Variants in PDE8B observed in about 807,000 individuals in gnomAD.
The protein encoded by PDE8B is high affinity cAMP-specific and IBMX-insensitive 3',5'-cyclic phosphodiesterase 8B.
PDE8B carries 26 observed loss-of-function variants against 101.3 expected under a neutral mutation model. The ratio of observed to expected loss-of-function variants is 0.26; its 90% CI spans 0.19 to 0.36. PDE8B has a LOEUF of 0.36. Among genes scored for constraint, PDE8B ranks in the 10% least tolerant of loss-of-function variants. PDE8B has a pLI of 1.00. For missense variants in PDE8B, 810 were observed against 1,163.1 expected (o/e 0.70, Z 4.42); for synonymous variants, 424 against 429.3 (o/e 0.99, Z 0.15).
chr5:77,238,906 A>G (rs1755209548), intron 1 of PDE8B, among the ~76,000 whole-genome samples: 1 of 152,224 alleles, frequency 6.6e-6, no homozygotes, highest in African/African-American at 2.4e-5. Flanking sequence ...CAGGCCTTCA[A>G]CAGATTGTAT....
At chr5:77,251,731 A>G (rs946359286) in intron 1 of PDE8B, among the ~76,000 whole-genome samples, 3 of 151,940 alleles carry the variant, frequency 2.0e-5, no homozygotes, top group Admixed American at 2.0e-4. Flanking sequence ...CGTATTCCAG[A>G]TAGTTTTCTG....
chr5:77,099,768 C>G, the PDE8B span, among the ~76,000 whole-genome samples: 1 of 152,106 alleles, frequency 6.6e-6, no homozygotes, highest in African/African-American at 2.4e-5. Context: ...CGTCACCACA[C>G]CCAGCTAATT....
At chr5:77,324,050 G>A (rs544063910) in intron 2 of PDE8B, among the ~76,000 whole-genome samples, 9 of 152,282 alleles carry the variant, frequency 5.9e-5, no homozygotes, top group East Asian at 3.9e-4. Flanking sequence ...AGTGAAACAC[G>A]TTTGGTGTTT....
chr5:77,362,226 G>A (rs576245073), intron 10 of PDE8B, among the ~76,000 whole-genome samples: 3 of 152,178 alleles, frequency 2.0e-5, no homozygotes, highest in East Asian at 3.8e-4. Context: ...ACTGACTTGC[G>A]AAAACTGATT....
chr5:77,362,310 A>T (rs963336676), intron 10 of PDE8B, among the ~76,000 whole-genome samples: 11 of 152,230 alleles, frequency 7.2e-5, no homozygotes, highest in African/African-American at 2.7e-4. Flanking sequence ...ATAAACATGC[A>T]ATTAAACAAA....
the PDE8B span, among the ~76,000 whole-genome samples, chr5:77,176,403 A>C: frequency 6.6e-6 from 1 of 152,212 alleles, no homozygotes; most frequent in African/African-American, 2.4e-5. Context: ...AAACATTTAC[A>C]GTTTTTAAAC....
At chr5:77,093,598 G>A in the PDE8B span, among the ~76,000 whole-genome samples, 1 of 152,208 alleles carries the variant, frequency 6.6e-6, no homozygotes, top group East Asian at 1.9e-4. Context: ...CAGTTGAGAT[G>A]TCTTTGGTGT....
intron 6 of PDE8B, among the ~76,000 whole-genome samples, chr5:77,342,526 A>G (rs946297756): frequency 1.3e-5 from 2 of 151,572 alleles, no homozygotes; most frequent in African/African-American, 4.9e-5. Flanking sequence ...TTTTTTTTTT[A>G]AAGAAAAAAC....
At chr5:77,402,393 A>G (rs1240334100) in intron 11 of PDE8B, among the ~76,000 whole-genome samples, 3 of 152,288 alleles carry the variant, frequency 2.0e-5, no homozygotes, top group Admixed American at 6.5e-5. Flanking sequence ...TGCTATAGCT[A>G]TGGTGTTCAG....
At chr5:77,123,527 G>A in the PDE8B span, among the ~76,000 whole-genome samples, 1 of 152,130 alleles carries the variant, frequency 6.6e-6, no homozygotes, top group Non-Finnish European at 1.5e-5. Flanking sequence ...GGAGGCTGAG[G>A]TGGGTAGATC....
At chr5:77,266,240 T>A (rs1033393438) in intron 1 of PDE8B, among the ~76,000 whole-genome samples, 6 of 152,226 alleles carry the variant, frequency 3.9e-5, no homozygotes, top group African/African-American at 1.2e-4. Flanking sequence ...GTAAAAAAAA[T>A]TTGAATCCTC....
At position 77,210,751 on chromosome 5, in the gene PDE8B, C is replaced by T; in HGVS notation, c.-175C>T. The T allele has an allele frequency of 1.0e-6, 1 of 982,056 alleles. No homozygotes were observed. Among genetic ancestry groups the T allele is most frequent in the Non-Finnish European group, 1.2e-6 (1 of 829,062 alleles). The allele number at this position is 982,056 out of a possible 1,614,324, so 60.8% of individuals were successfully genotyped here. ...AAAGTTGGGGTGACGCGCGCGGTCC[C>T]CGGAGGCTCGGCGGGGGGCACCGCG... On this transcript the variant is annotated 5_prime_UTR_variant, in exon 1 of 22. Coordinates refer to ENST00000264917, the MANE Select transcript of PDE8B (RefSeq NM_003719.5). This position sits in a 1 kb window ranked among gnomAD's most constrained non-coding sequence, Gnocchi z 4.9.
intron 1 of PDE8B, among the ~76,000 whole-genome samples, chr5:77,225,120 T>A (rs1752052068): frequency 6.6e-6 from 1 of 152,188 alleles, no homozygotes. Context: ...CTACCATTCT[T>A]TCTACAGTGC....
chr5:77,106,624 G>A, the PDE8B span, among the ~76,000 whole-genome samples: 1 of 151,984 alleles, frequency 6.6e-6, no homozygotes, highest in African/African-American at 2.4e-5. Flanking sequence ...AGCTTGTCAA[G>A]TTTTTTAAAA....
At chr5:77,163,941 G>A in the PDE8B span, among the ~76,000 whole-genome samples, 1 of 152,128 alleles carries the variant, frequency 6.6e-6, no homozygotes, top group Non-Finnish European at 1.5e-5. Context: ...CTTCTTCTTT[G>A]TACTCTGCTG....
chr5:77,188,632 T>C, the PDE8B span, among the ~76,000 whole-genome samples: 1 of 152,114 alleles, frequency 6.6e-6, no homozygotes, highest in African/African-American at 2.4e-5. Context: ...GCTGCAAGGA[T>C]TGCACAAGAG....
chr5:77,194,437 C>T, the PDE8B span, among the ~76,000 whole-genome samples: 1 of 152,054 alleles, frequency 6.6e-6, no homozygotes, highest in South Asian at 2.1e-4. Flanking sequence ...TGGTAAAATA[C>T]CCATAACATG....
rs10552319 is a variant in PDE8B, at chr5:77,259,049, G to GAC, written c.339+47804_339+47805dup. 5.1e-3 allele frequency among the ~76,000 whole-genome samples: 390 copies of GAC among 76,658 alleles called. 6 individuals are homozygous for GAC. Among genetic ancestry groups the GAC allele is most frequent in the African/African-American group, 0.016 (329 of 21,164 alleles). 50.3% of individuals were successfully genotyped at this position (76,658 alleles called of 152,430 possible). On this transcript the variant is annotated intron_variant, in intron 1 of 21. Coordinates refer to ENST00000264917, the MANE Select transcript of PDE8B (RefSeq NM_003719.5). The stretch of plus-strand genomic sequence containing the variant: ...TGCCTCCAACACACACACACACACA[G>GAC]ACACACACACACACACACACCCCCG...
chr5:77,362,695 G>T (rs561170203), intron 10 of PDE8B, among the ~76,000 whole-genome samples: 1 of 152,092 alleles, frequency 6.6e-6, no homozygotes, highest in African/African-American at 2.4e-5. Flanking sequence ...TTCCTGCCCC[G>T]CTTTCCCTGC....
Sources: allele counts gnomAD v4.1 joint callset (sites outside exome capture counted in the v4.1 genomes callset), GRCh38; gene constraint gnomAD v4.1.1; non-coding constraint Gnocchi (gnomAD v3.1); transcripts MANE v1.5; gene names NCBI Gene and HGNC (gene_info 2026-07-23, HGNC 2026-07-21).